Variants in PCDHGA7 observed in about 807,000 individuals in gnomAD.
The protein encoded by PCDHGA7 is protocadherin gamma subfamily A, 7.
In PCDHGA7, 44 loss-of-function variants were observed where a neutral mutation model predicts 58.3. The observed-to-expected ratio is 0.75, with a 90% CI of 0.59 to 0.97. The LOEUF (loss-of-function observed/expected upper bound fraction) is 0.97. PCDHGA7 is among the 50% of genes least tolerant of loss of function. PCDHGA7 has a pLI of 0.00. For synonymous variants in PCDHGA7, 516 were observed against 504.2 expected (o/e 1.02, Z -0.31); for missense variants, 1,266 against 1,188.7 (o/e 1.06, Z -0.96).
chr5:141,411,536 A>G (rs1333872781), intron 1 of PCDHGA7: 1 of 152,248 alleles, frequency 6.6e-6, no homozygotes, highest in Admixed American at 6.5e-5. Context: ...GTGAGCCCTG[A>G]TCTTGCCACT....
chr5:141,408,789 T>C, intron 1 of PCDHGA7: 1 of 1,612,724 alleles, frequency 6.2e-7, no homozygotes, highest in Non-Finnish European at 8.5e-7. Context: ...GAGTTATCTC[T>C]GGAGAAACTC....
intron 1 of PCDHGA7, chr5:141,417,773 T>C: frequency 6.9e-7 from 1 of 1,458,374 alleles, no homozygotes; most frequent in South Asian, 1.4e-5. Context: ...GGACTCCTCC[T>C]GTCCTGGGCC....
At chr5:141,509,334 G>A (rs1184232270) in intron 3 of PCDHGA7, among the ~76,000 whole-genome samples, 1 of 152,186 alleles carries the variant, frequency 6.6e-6, no homozygotes, top group Non-Finnish European at 1.5e-5. Flanking sequence ...ACTGCCAGCT[G>A]GGCCTGGGCT....
At chr5:141,412,779 C>A (rs966431850) in intron 1 of PCDHGA7, among the ~76,000 whole-genome samples, 6 of 152,168 alleles carry the variant, frequency 3.9e-5, no homozygotes, top group Non-Finnish European at 7.3e-5. Context: ...ACAATATTTT[C>A]ACTCCACTTT....
In PCDHGA7 at chr5:141,393,531, C is replaced by T. The variant is rs997965420; in HGVS notation, c.2424+8208C>T. On this transcript the variant is annotated intron_variant, in intron 1 of 3. Transcript: ENST00000518325. ...AGTGTTGGATACAAATGACAATGCC[C>T]CGGTTTTTCCTCACCCGATTTACCG... 4 of 1,613,890 alleles carry T rather than the reference C, an allele frequency of 2.5e-6. No individual in the cohort carries two copies. Among genetic ancestry groups the T allele is most frequent in the African/African-American group, 2.7e-5 (2 of 74,946 alleles).
chr5:141,423,609 A>G lies in PCDHGA7; in HGVS notation c.2424+38286A>G, dbSNP rs748925693. The G allele has an allele frequency of 5.0e-6, 8 of 1,611,572 alleles. No homozygotes were observed. The South Asian group carries it at 7.7e-5, about 16-fold the overall frequency. ...GTGAGAAAAGCGAGCCACTCTTGAT[A>G]GCTGAAGACTCAGCTATCATTTTAG... On this transcript the variant is annotated intron_variant, in intron 1 of 3. Transcript: ENST00000518325.
At chr5:141,414,460 A>G in intron 1 of PCDHGA7, 1 of 1,613,922 alleles carries the variant, frequency 6.2e-7, no homozygotes, top group Non-Finnish European at 8.5e-7. Context: ...AGTGACAGCC[A>G]CAGATGGGGG....
intron 1 of PCDHGA7, chr5:141,423,296 T>G (rs771340929): frequency 6.2e-7 from 1 of 1,614,124 alleles, no homozygotes; most frequent in Non-Finnish European, 8.5e-7. Context: ...ACCTCAGACC[T>G]CTCGCTGTAC....
chr5:141,441,359 G>T (rs932747576), intron 1 of PCDHGA7: 1 of 152,522 alleles, frequency 6.6e-6, no homozygotes, highest in Non-Finnish European at 1.5e-5. Flanking sequence ...TGTAACAAAT[G>T]GGGCCGTGGA....
At chr5:141,439,500 TTCTC>T (rs1399113868) in intron 1 of PCDHGA7, among the ~76,000 whole-genome samples, 9 of 152,246 alleles carry the variant, frequency 5.9e-5, no homozygotes, top group Admixed American at 2.0e-4. Context: ...AGAAACGTCT[TTCTC>T]TCTGCTCTCA....
chr5:141,505,118 C>T (rs544825360), intron 2 of PCDHGA7, among the ~76,000 whole-genome samples: 32 of 152,222 alleles, frequency 2.1e-4, no homozygotes, highest in African/African-American at 7.5e-4. Flanking sequence ...GCCAAGATCG[C>T]GCCACTGCAC....
At chr5:141,454,409 T>G (rs1221091875) in intron 1 of PCDHGA7, among the ~76,000 whole-genome samples, 1 of 152,162 alleles carries the variant, frequency 6.6e-6, no homozygotes, top group Non-Finnish European at 1.5e-5. Flanking sequence ...TTATTCCTTT[T>G]TATTTATTTA....
intron 1 of PCDHGA7, chr5:141,417,252 G>C (rs2096099745): frequency 6.6e-6 from 1 of 152,148 alleles, no homozygotes; most frequent in Admixed American, 6.5e-5. Context: ...AGTACTTCCA[G>C]CTTCATAGAT....
chr5:141,404,018 G>A (rs1280619437), intron 1 of PCDHGA7: 1 of 1,613,864 alleles, frequency 6.2e-7, no homozygotes, highest in African/African-American at 1.3e-5. Flanking sequence ...GTTTAGCCCA[G>A]TGAGAGAAGA....
intron 1 of PCDHGA7, chr5:141,422,694 T>C: frequency 6.2e-7 from 1 of 1,603,912 alleles, no homozygotes; most frequent in Non-Finnish European, 8.5e-7. Context: ...CCCTGGTCAC[T>C]TACTCTCTGA....
At chr5:141,390,538 C>T (rs1371210436) in intron 1 of PCDHGA7, 1 of 518,192 alleles carries the variant, frequency 1.9e-6, no homozygotes, top group Non-Finnish European at 3.4e-6. Context: ...GTTTTAACCA[C>T]AAAGTGAAAG....
intron 1 of PCDHGA7, among the ~76,000 whole-genome samples, chr5:141,483,638 G>A (rs1159840764): frequency 1.4e-5 from 2 of 147,222 alleles, no homozygotes; most frequent in South Asian, 2.1e-4. Flanking sequence ...AGGTATAGAG[G>A]GGTGTGTGTT....
chr5:141,498,616 G>T (rs1202866176), intron 2 of PCDHGA7, among the ~76,000 whole-genome samples: 1 of 152,138 alleles, frequency 6.6e-6, no homozygotes, highest in East Asian at 1.9e-4. Flanking sequence ...AGTCAGCACT[G>T]GGTCACACTG....
Position 141,383,965 on chromosome 5 carries a change from A to G in PCDHGA7, c.1066A>G (p.Ile356Val), listed in dbSNP as rs1208203107. ...GACTATGACGTCTTTAAGTAGCTCA[A>G]TCCCTGAAGACACACCTCTTGGGAC... ...EVTMTSLSSS[I>V]PEDTPLGTVI... The change falls in exon 1 of 4, where the codon ATC (isoleucine) becomes GTC (valine). Residue 356 changes from isoleucine to valine, a missense_variant. Physicochemically the swap from Ile to Val is conservative, Grantham distance 29. Coordinates refer to ENST00000518325, the MANE Select transcript of PCDHGA7 (RefSeq NM_018920.4). 1 of 1,613,598 alleles carries G rather than the reference A, an allele frequency of 6.2e-7. No individual in the cohort carries two copies. The highest frequency in any genetic ancestry group is 2.2e-5 in the East Asian group (1 of 44,892).
Sources: allele counts gnomAD v4.1 joint callset (sites outside exome capture counted in the v4.1 genomes callset), GRCh38; gene constraint gnomAD v4.1.1; transcripts MANE v1.5; gene names NCBI Gene and HGNC (gene_info 2026-07-23, HGNC 2026-07-21).